The following RBFOX1 variants were observed in gnomAD, a reference collection of about 807,000 sequenced individuals.
RBFOX1 encodes RNA binding fox-1 homolog 1, also known as RNA binding protein fox-1 homolog 1.
A neutral mutation model predicts 57.7 loss-of-function variants in RBFOX1; 8 were observed. The ratio of observed to expected loss-of-function variants is 0.14; its 90% confidence interval spans 0.08 to 0.25. The LOEUF is 0.25. RBFOX1 is among the 10% of genes least tolerant of loss of function. The probability of loss-of-function intolerance (pLI) is 1.00; values close to 1 mark genes in which losing one functional copy is unlikely to be tolerated. For missense variants in RBFOX1, 611 were observed against 548.5 expected (o/e 1.11, Z -1.14); for synonymous variants, 326 against 222.4 (o/e 1.47, Z -4.15).
intron 3 of RBFOX1, among the ~76,000 whole-genome samples, chr16:6,979,791 C>A (rs947430471): frequency 3.3e-5 from 5 of 152,136 alleles, no homozygotes; most frequent in African/African-American, 1.2e-4. Context: ...AGTGGGTATT[C>A]CACCCTTTTC....
At chr16:7,375,209 A>G (rs1193855040) in intron 4 of RBFOX1, among the ~76,000 whole-genome samples, 1 of 152,254 alleles carries the variant, frequency 6.6e-6, no homozygotes, top group Non-Finnish European at 1.5e-5. Context: ...TCAGAGAAGT[A>G]CATCGTTTCA....
chr16:7,671,471 T>C, intron 13 of RBFOX1: 1 of 1,285,646 alleles, frequency 7.8e-7, no homozygotes, highest in Non-Finnish European at 1.1e-6. Flanking sequence ...TGTAAATGAA[T>C]TGCTCTGGAA....
intron 3 of RBFOX1, among the ~76,000 whole-genome samples, chr16:6,922,267 A>G (rs2074627522): frequency 6.6e-6 from 1 of 152,078 alleles, no homozygotes; most frequent in African/African-American, 2.4e-5. Context: ...TCCTACATTG[A>G]TATAAACTGT....
intron 4 of RBFOX1, among the ~76,000 whole-genome samples, chr16:7,087,411 G>A (rs921356061): frequency 6.6e-6 from 1 of 152,100 alleles, no homozygotes; most frequent in Non-Finnish European, 1.5e-5. Context: ...AATATTGCTA[G>A]TATCATCAGT....
At chr16:7,557,936 C>T (rs992169519) in intron 5 of RBFOX1, among the ~76,000 whole-genome samples, 2 of 152,026 alleles carry the variant, frequency 1.3e-5, no homozygotes, top group African/African-American at 2.4e-5. Context: ...TGGACCATCA[C>T]GCAGTATTTC....
At chr16:5,590,732 G>T (rs2046980835) in intron 2 of RBFOX1, among the ~76,000 whole-genome samples, 1 of 152,224 alleles carries the variant, frequency 6.6e-6, no homozygotes, top group Admixed American at 6.5e-5. Flanking sequence ...AATGTTCGCA[G>T]ATGCTTCAGC....
chr16:6,445,237 T>A (rs527659519), intron 2 of RBFOX1, among the ~76,000 whole-genome samples: 95 of 152,192 alleles, frequency 6.2e-4, no homozygotes, highest in African/African-American at 2.2e-3. Flanking sequence ...CTTTTTTTTA[T>A]ATATATAATT....
At chr16:5,604,431 A>G (rs1387339138), downstream of RBFOX1, among the ~76,000 whole-genome samples, 1 of 152,166 alleles carries the variant, frequency 6.6e-6, no homozygotes, top group Non-Finnish European at 1.5e-5. Flanking sequence ...TTGTGGCTGT[A>G]AGATGCAGGC....
intron 4 of RBFOX1, among the ~76,000 whole-genome samples, chr16:5,990,010 A>T (rs1266598031): frequency 6.6e-6 from 1 of 152,068 alleles, no homozygotes; most frequent in Non-Finnish European, 1.5e-5. Context: ...TGTTGGTTAG[A>T]GACTGGGTCT....
At chr16:6,758,649 A>G (rs142636147) in intron 3 of RBFOX1, among the ~76,000 whole-genome samples, 199 of 152,342 alleles carry the variant, frequency 1.3e-3, no homozygotes, top group African/African-American at 4.6e-3. Flanking sequence ...TTTAAAGCAC[A>G]GACTGTGTTA....
intron 2 of RBFOX1, among the ~76,000 whole-genome samples, chr16:6,491,011 A>C (rs1214104105): frequency 6.6e-6 from 1 of 152,160 alleles, no homozygotes; most frequent in Non-Finnish European, 1.5e-5. Context: ...GTGGGAAAAT[A>C]AATGAGATGA....
intron 2 of RBFOX1, among the ~76,000 whole-genome samples, chr16:6,506,794 C>T (rs1292451107): frequency 6.6e-6 from 1 of 151,930 alleles, no homozygotes; most frequent in Non-Finnish European, 1.5e-5. Flanking sequence ...TTACAGGCAC[C>T]AACCACCATG....
chr16:6,777,552 G>T (rs1233030631), intron 3 of RBFOX1, among the ~76,000 whole-genome samples: 1 of 152,038 alleles, frequency 6.6e-6, no homozygotes, highest in Non-Finnish European at 1.5e-5. Context: ...TTTAGACCTT[G>T]CAGGCCTGTT....
intron 4 of RBFOX1, among the ~76,000 whole-genome samples, chr16:6,005,053 T>G (rs552224919): frequency 6.6e-6 from 1 of 152,330 alleles, no homozygotes; most frequent in East Asian, 1.9e-4. Context: ...TGTGTTTTAA[T>G]GGGAGTGTAA....
chr16:7,303,308 C>G lies in RBFOX1; in HGVS notation c.28-214839C>G, dbSNP rs576380175. Among the ~76,000 whole-genome samples, 15 of 152,340 alleles carry G rather than the reference C, an allele frequency of 9.8e-5. No homozygotes were observed. The East Asian group carries it at 2.3e-3, about 24-fold the overall frequency. On this transcript the variant is annotated intron_variant, in intron 4 of 15. Coordinates refer to ENST00000550418, the MANE Select transcript of RBFOX1 (RefSeq NM_018723.4). ...CAGAAACCTCCTCCCCTCCCTCAGC[C>G]CAAGCTCCCTCCTGCCCCCAGCCCC...
At chr16:7,140,333 C>G (rs906551531) in intron 4 of RBFOX1, among the ~76,000 whole-genome samples, 27 of 132,410 alleles carry the variant, frequency 2.0e-4, no homozygotes, top group African/African-American at 7.5e-4. Context: ...TCTGACCACA[C>G]AAAGTTTCTT....
At chr16:5,253,600 C>G (rs1336639784) in intron 1 of RBFOX1, among the ~76,000 whole-genome samples, 1 of 152,312 alleles carries the variant, frequency 6.6e-6, no homozygotes, top group South Asian at 2.1e-4. Context: ...TCCGTGGCAG[C>G]CTCACGTGGG....
chr16:7,217,259 A>G (rs2092259850), intron 4 of RBFOX1, among the ~76,000 whole-genome samples: 2 of 146,862 alleles, frequency 1.4e-5, no homozygotes, highest in South Asian at 4.4e-4. Context: ...GTTCCACCAC[A>G]GCTGGCTAAT....
intron 3 of RBFOX1, among the ~76,000 whole-genome samples, chr16:6,961,776 T>G (rs2083071192): frequency 6.6e-6 from 1 of 152,186 alleles, no homozygotes; most frequent in African/African-American, 2.4e-5. Flanking sequence ...ATGGCACTAG[T>G]GAGAGTGTCC....
Sources: allele counts gnomAD v4.1 joint callset (sites outside exome capture counted in the v4.1 genomes callset), GRCh38; gene constraint gnomAD v4.1.1; transcripts MANE v1.5; gene names NCBI Gene and HGNC (gene_info 2026-07-23, HGNC 2026-07-21).